Variants in OLA1 observed in about 807,000 individuals in gnomAD.
OLA1 encodes the protein Obg like ATPase 1, also known as obg-like ATPase 1.
In OLA1, 14 loss-of-function variants were observed where a neutral mutation model predicts 48.4. The ratio of observed to expected loss-of-function variants is 0.29; its 90% CI spans 0.19 to 0.45. The LOEUF (loss-of-function observed/expected upper bound fraction) is 0.45, where lower values mean the gene tolerates loss of function less well. OLA1 is among the 20% of genes least tolerant of loss of function. OLA1 has a pLI of 1.00. For missense variants in OLA1, 325 were observed against 467.1 expected, an observed-to-expected ratio of 0.70 and a Z score of 2.80; for synonymous variants, 127 against 150.4, an observed-to-expected ratio of 0.84 and a Z score of 1.14.
rs1475732697 is a variant in OLA1, at chr2:174,208,480, CTT to C, written c.373+14551_373+14552del. Among the ~76,000 whole-genome samples the C allele has an allele frequency of 3.3e-5, 5 of 152,278 alleles. No homozygotes were observed. In the East Asian group the frequency reaches 9.6e-4, roughly 29 times the overall value. On this transcript the variant is annotated intron_variant, in intron 4 of 10. Transcript: ENST00000284719. The stretch of plus-strand genomic sequence containing the variant: ...AATCATCTTTGCTATTCATGACTCT[CTT>C]CCTCTCACCTCAGAAGAATATAGGG...
chr2:174,181,412 G>A (rs78670023), intron 4 of OLA1, among the ~76,000 whole-genome samples: 18,425 of 152,098 alleles, frequency 0.12, 1,758 homozygotes, highest in African/African-American at 0.26. Flanking sequence ...TTTCTTTTAT[G>A]TTCATTTTTT....
At chr2:174,144,951 A>AATATATATAT (rs71021672) in intron 4 of OLA1, among the ~76,000 whole-genome samples, 49 of 40,272 alleles carry the variant, frequency 1.2e-3, no homozygotes, top group East Asian at 5.8e-3. Flanking sequence ...AAAAAAAAAA[A>AATATATATAT]ATATATATAT....
intron 4 of OLA1, among the ~76,000 whole-genome samples, chr2:174,178,110 T>A (rs1036002920): frequency 2.6e-5 from 4 of 152,034 alleles, no homozygotes; most frequent in African/African-American, 9.7e-5. Flanking sequence ...AGTTAATTTA[T>A]CCAAACTCTT....
chr2:174,123,052 T>C lies in OLA1; in HGVS notation c.728+128A>G. 3 of 572,296 alleles carry C rather than the reference T, an allele frequency of 5.2e-6. No individual in the cohort carries two copies. In the South Asian group the frequency reaches 6.9e-5, roughly 13 times the overall value. 35.5% of individuals were successfully genotyped at this position (572,296 alleles called of 1,614,324 possible). A position where few individuals can be genotyped will look rare whatever the true frequency, so the allele number is the denominator to read the frequency against. ...ATACCAAGCACAGCTTTCTCATCCA[T>C]TTTAAACTTTTTAATAAGGAGAAAA... is the stretch of plus-strand genomic sequence containing the variant. On this transcript the variant is annotated intron_variant, in intron 7 of 10. Transcript: ENST00000284719.
chr2:174,233,200 AGAATG>A (rs1688769919), intron 2 of OLA1, among the ~76,000 whole-genome samples: 1 of 152,158 alleles, frequency 6.6e-6, no homozygotes, highest in African/African-American at 2.4e-5. Context: ...TGGAAACAGT[AGAATG>A]GTGGTTTCCA....
intron 5 of OLA1, among the ~76,000 whole-genome samples, chr2:174,130,012 T>C (rs1174481549): frequency 6.6e-6 from 1 of 152,108 alleles, no homozygotes; most frequent in Non-Finnish European, 1.5e-5. Flanking sequence ...CTACAAGAAT[T>C]AGGGCAAGGC....
At chr2:174,195,851 C>A (rs1687867621) in intron 4 of OLA1, among the ~76,000 whole-genome samples, 2 of 152,080 alleles carry the variant, frequency 1.3e-5, no homozygotes, top group African/African-American at 2.4e-5. Context: ...TTACAAAGTA[C>A]AAGATAATAA....
intron 7 of OLA1, among the ~76,000 whole-genome samples, chr2:174,111,673 C>T (rs1685654813): frequency 1.3e-5 from 2 of 152,116 alleles, no homozygotes; most frequent in Non-Finnish European, 2.9e-5. Context: ...TACAAAACAT[C>T]CATTTGTATT....
At chr2:174,154,176 G>T (rs997466830) in intron 4 of OLA1, among the ~76,000 whole-genome samples, 16 of 152,134 alleles carry the variant, frequency 1.1e-4, no homozygotes, top group African/African-American at 3.9e-4. Context: ...GCCAATCAAT[G>T]CTATTTTGAA....
chr2:174,118,323 T>C (rs1235993014), intron 7 of OLA1, among the ~76,000 whole-genome samples: 1 of 152,178 alleles, frequency 6.6e-6, no homozygotes, highest in Non-Finnish European at 1.5e-5. Flanking sequence ...GGTAACAAAA[T>C]ATGACTCAGA....
At chr2:174,130,521 G>C (rs2105372496) in intron 5 of OLA1, among the ~76,000 whole-genome samples, 1 of 152,262 alleles carries the variant, frequency 6.6e-6, no homozygotes, top group East Asian at 1.9e-4. Context: ...CTGCAATAAA[G>C]TGGCAACCAA....
At chr2:174,124,241 G>T (rs1289569426) in intron 5 of OLA1, 1 of 15,740 alleles carries the variant, frequency 6.4e-5, no homozygotes, top group East Asian at 1.5e-3. Flanking sequence ...CCCACCCCCC[G>T]AACCTGCCAA....
At chr2:174,161,565 T>G (rs1687012735) in intron 4 of OLA1, among the ~76,000 whole-genome samples, 1 of 151,736 alleles carries the variant, frequency 6.6e-6, no homozygotes, top group South Asian at 2.1e-4. Context: ...CTTGGGAAAC[T>G]GAGATGGGAG....
At chr2:174,203,626 T>G (rs1050804695) in intron 4 of OLA1, among the ~76,000 whole-genome samples, 1 of 151,808 alleles carries the variant, frequency 6.6e-6, no homozygotes, top group Non-Finnish European at 1.5e-5. Context: ...AACAGTTCTA[T>G]TCTCGGGACT....
chr2:174,136,332 A>G (rs1048948412), intron 5 of OLA1, among the ~76,000 whole-genome samples: 7 of 152,330 alleles, frequency 4.6e-5, no homozygotes, highest in Admixed American at 1.3e-4. Context: ...CTGCCTTACC[A>G]ACTAAGTGTA....
intron 4 of OLA1, among the ~76,000 whole-genome samples, chr2:174,214,522 T>C (rs1420776684): frequency 1.3e-5 from 2 of 152,014 alleles, no homozygotes; most frequent in Non-Finnish European, 2.9e-5. Flanking sequence ...AACCATGAGA[T>C]TCTAAAAACT....
chr2:174,199,424 G>A (rs1437717902), intron 4 of OLA1, among the ~76,000 whole-genome samples: 6 of 152,142 alleles, frequency 3.9e-5, no homozygotes, highest in African/African-American at 7.2e-5. Context: ...CTTGTCAAGT[G>A]TTAATAAGAC....
intron 4 of OLA1, among the ~76,000 whole-genome samples, chr2:174,203,834 G>A (rs74886214): frequency 0.13 from 19,137 of 147,678 alleles, 1,418 homozygotes; most frequent in East Asian, 0.21. Context: ...TCACTCCGTC[G>A]CCCAGGCTGG....
chr2:174,187,779 A>G (rs1333639413), intron 4 of OLA1, among the ~76,000 whole-genome samples: 3 of 152,204 alleles, frequency 2.0e-5, no homozygotes, highest in African/African-American at 7.2e-5. Context: ...GAACAGAGGC[A>G]GGGGTATGGA....
Sources: allele counts gnomAD v4.1 joint callset (sites outside exome capture counted in the v4.1 genomes callset), GRCh38; gene constraint gnomAD v4.1.1; transcripts MANE v1.5; gene names NCBI Gene and HGNC (gene_info 2026-07-23, HGNC 2026-07-21).